The following RSPO4 variants were observed in gnomAD, a reference collection of about 807,000 sequenced individuals.
RSPO4 encodes R-spondin 4, also known as R-spondin-4.
Under a neutral mutation model 24.8 loss-of-function variants are expected in RSPO4, and 23 were observed. The observed-to-expected ratio is 0.93, with a 90% CI of 0.67 to 1.31. The LOEUF (loss-of-function observed/expected upper bound fraction) is 1.31, where lower values mean the gene tolerates loss of function less well. Ranked by LOEUF, RSPO4 falls within the 40% of genes most tolerant of loss-of-function variation. The pLI is 0.00. For missense variants in RSPO4, 333 were observed against 316.5 expected (o/e 1.05, Z -0.39); for synonymous variants, 141 against 127.4 (o/e 1.11, Z -0.72).
intron 1 of RSPO4, among the ~76,000 whole-genome samples, chr20:997,583 T>G (rs1985334977): frequency 1.3e-5 from 2 of 152,170 alleles, no homozygotes; most frequent in South Asian, 4.1e-4. Context: ...GAACTACCCC[T>G]GCATCTAAAC....
chr20:991,597 G>C (rs1985103507), intron 1 of RSPO4, among the ~76,000 whole-genome samples: 1 of 150,708 alleles, frequency 6.6e-6, no homozygotes, highest in African/African-American at 2.4e-5. Flanking sequence ...AGGTGAATAA[G>C]AATTACATGA....
At chr20:964,958 G>A (rs1261123660) in intron 3 of RSPO4, among the ~76,000 whole-genome samples, 1 of 151,926 alleles carries the variant, frequency 6.6e-6, no homozygotes, top group Admixed American at 6.6e-5. Context: ...GTTTGCTAAG[G>A]GAACGCAGCA....
chr20:963,142 T>C (rs1222637006), intron 4 of RSPO4, among the ~76,000 whole-genome samples: 1 of 151,934 alleles, frequency 6.6e-6, no homozygotes, highest in Non-Finnish European at 1.5e-5. Flanking sequence ...GTGAAGGGGG[T>C]TCCTGTGGCA....
intron 1 of RSPO4, 41 bp from the exon 2 acceptor site, chr20:968,179 G>A: frequency 6.3e-7 from 1 of 1,586,818 alleles, no homozygotes; most frequent in Non-Finnish European, 8.6e-7. Flanking sequence ...GAAAGGGAGA[G>A]AGAGATGGTC....
intron 1 of RSPO4, among the ~76,000 whole-genome samples, chr20:987,344 C>G (rs6140883): frequency 0.3 from 45,450 of 152,050 alleles, 11,336 homozygotes; most frequent in African/African-American, 0.68. Flanking sequence ...CCTTCCTAGA[C>G]AGGAAGCTTT....
Position 960,052 on chromosome 20 carries a change from C to T in RSPO4, c.*305G>A, listed in dbSNP as rs985910864. 3.2e-5 allele frequency: 14 copies of T among 444,010 alleles called. No individual in the cohort carries two copies. The highest frequency in any genetic ancestry group is 5.3e-5 in the Non-Finnish European group (13 of 245,768). The allele number at this position is 444,010 out of a possible 1,614,324, so 27.5% of individuals were successfully genotyped here. A position where few individuals can be genotyped will look rare whatever the true frequency, so the allele number is the denominator to read the frequency against. ...AAGAGGAGGGAGAGAGAGAAGGATG[C>T]GGTGAAGGACAGGAAGAAACACAGG... On this transcript the variant is annotated 3_prime_UTR_variant, in exon 5 of 5. Transcript: ENST00000217260.
chr20:972,183 G>A (rs1156706078), intron 1 of RSPO4, among the ~76,000 whole-genome samples: 2 of 152,248 alleles, frequency 1.3e-5, no homozygotes, highest in South Asian at 4.1e-4. Flanking sequence ...TCCCTCCTCA[G>A]CCTCCCTAGT....
intron 1 of RSPO4, among the ~76,000 whole-genome samples, chr20:972,430 A>C (rs1984435128): frequency 6.6e-6 from 1 of 152,208 alleles, no homozygotes; most frequent in Non-Finnish European, 1.5e-5. Flanking sequence ...CTTTGCAGCT[A>C]TATGTGGTCA....
chr20:969,914 C>G (rs1984356775), intron 1 of RSPO4, among the ~76,000 whole-genome samples: 1 of 152,188 alleles, frequency 6.6e-6, no homozygotes, highest in South Asian at 2.1e-4. Context: ...CTTGATTCAC[C>G]TGAGCCCCAA....
rs549347734 is a variant in RSPO4, at chr20:972,918, A to T, written c.80-4780T>A. Among the ~76,000 whole-genome samples, 182 of 152,326 alleles carry T rather than the reference A, an allele frequency of 1.2e-3. 2 individuals are homozygous for T. Among genetic ancestry groups the T allele is most frequent in the Non-Finnish European group, 3.4e-4 (23 of 68,036 alleles). On this transcript the variant is annotated intron_variant, in intron 1 of 4. Coordinates refer to ENST00000217260, the MANE Select transcript of RSPO4 (RefSeq NM_001029871.4). Reference sequence around the variant, plus strand: ...CTGGCAGAATAGGACTTCAAATTACAAATTAATTTAAATTACAGAAAAACA... The same window carrying T: ...CTGGCAGAATAGGACTTCAAATTACTAATTAATTTAAATTACAGAAAAACA...
intron 1 of RSPO4, among the ~76,000 whole-genome samples, chr20:991,627 TTAAAA>T (rs1473649343): frequency 1.3e-4 from 19 of 151,418 alleles, no homozygotes; most frequent in African/African-American, 4.6e-4. Flanking sequence ...ATTTAAACAG[TTAAAA>T]TAACATTCAA....
intron 1 of RSPO4, among the ~76,000 whole-genome samples, chr20:998,690 C>T (rs1473564048): frequency 6.6e-6 from 1 of 152,138 alleles, no homozygotes; most frequent in African/African-American, 2.4e-5. Flanking sequence ...GGGAAAGGGT[C>T]ATCCCTCTAT....
At chr20:973,908 C>T (rs1031296354) in intron 1 of RSPO4, among the ~76,000 whole-genome samples, 27 of 152,138 alleles carry the variant, frequency 1.8e-4, no homozygotes, top group African/African-American at 6.0e-4. Flanking sequence ...CCCTCTTGTG[C>T]CTCTATGTTG....
chr20:1,002,150 G>C lies in RSPO4; in HGVS notation c.15C>G (p.Leu5=), dbSNP rs1392106909. Residue 5 remains leucine, a synonymous_variant, in exon 1 of 5, where the codon CTC becomes CTG. Coordinates refer to ENST00000217260, the MANE Select transcript of RSPO4 (RefSeq NM_001029871.4). This position sits in a 1 kb window ranked among gnomAD's most constrained non-coding sequence, Gnocchi z 4.6. Reference sequence around the variant, plus strand: ...CGTGGGCGACGAGCAGGAGCAGGCAGAGTGGCGCCCGCATCTGGGCAGCCG... The same window carrying C: ...CGTGGGCGACGAGCAGGAGCAGGCACAGTGGCGCCCGCATCTGGGCAGCCG... MRAP[L]CLLLLVAHAV... The C allele has an allele frequency of 1.3e-6, 2 of 1,558,136 alleles. No individual in the cohort carries two copies. Among genetic ancestry groups the C allele is most frequent in the Non-Finnish European group, 1.7e-6 (2 of 1,151,358 alleles).
intron 4 of RSPO4, among the ~76,000 whole-genome samples, chr20:961,043 CTCTT>C (rs1983982128): frequency 6.6e-6 from 1 of 152,240 alleles, no homozygotes; most frequent in Non-Finnish European, 1.5e-5. Context: ...CAATTGTCCT[CTCTT>C]TCTCTCCACC....
intron 2 of RSPO4, 66 bp downstream of exon 2, chr20:967,884 G>T: frequency 2.1e-6 from 3 of 1,441,178 alleles, no homozygotes; most frequent in South Asian, 1.1e-5. Flanking sequence ...GGGTGAAAGG[G>T]TGGGATCTAA....
intron 1 of RSPO4, among the ~76,000 whole-genome samples, chr20:1,000,301 C>T (rs1383225515): frequency 6.6e-6 from 1 of 152,172 alleles, no homozygotes; most frequent in Non-Finnish European, 1.5e-5. Context: ...ACCTGCTGTG[C>T]GACCTTGGAC....
intron 1 of RSPO4, among the ~76,000 whole-genome samples, chr20:978,231 T>C (rs1289912549): frequency 5.3e-5 from 8 of 152,192 alleles, no homozygotes; most frequent in South Asian, 2.1e-4. Flanking sequence ...TGGGTGATAT[T>C]GGGCAAGTGG....
intron 1 of RSPO4, among the ~76,000 whole-genome samples, chr20:999,300 C>G (rs566307331): frequency 6.6e-6 from 1 of 152,274 alleles, no homozygotes; most frequent in South Asian, 2.1e-4. Context: ...TAGGCTTGAG[C>G]CATCGCACCT....
Sources: allele counts gnomAD v4.1 joint callset (sites outside exome capture counted in the v4.1 genomes callset), GRCh38; gene constraint gnomAD v4.1.1; non-coding constraint Gnocchi (gnomAD v3.1); transcripts MANE v1.5; gene names NCBI Gene and HGNC (gene_info 2026-07-23, HGNC 2026-07-21).